The following RASL10B variants were observed in gnomAD, a reference collection of about 807,000 sequenced individuals.
RASL10B encodes the protein ras-like protein family member 10B.
Under a neutral mutation model 20.7 loss-of-function variants are expected in RASL10B, and 10 were observed. That is an observed-to-expected ratio of 0.48 (90% CI 0.30 to 0.82). RASL10B has a LOEUF of 0.82. Among genes scored for constraint, RASL10B ranks in the 40% least tolerant of loss-of-function variants. RASL10B has a pLI of 0.07. For synonymous variants in RASL10B, 110 were observed against 123.3 expected, an observed-to-expected ratio of 0.89 and a Z score of 0.72; for missense variants, 231 against 295.4, an observed-to-expected ratio of 0.78 and a Z score of 1.60.
At chr17:35,740,630 G>A in intron 3 of RASL10B, 97 bp downstream of exon 3, 3 of 1,377,792 alleles carry the variant, frequency 2.2e-6, no homozygotes, top group Non-Finnish European at 3.0e-6. Context: ...ACAGATAGAG[G>A]TATATGTGTT....
chr17:35,740,350 G>T, intron 2 of RASL10B, 59 bp from the exon 3 acceptor site: 2 of 1,585,664 alleles, frequency 1.3e-6, no homozygotes, highest in South Asian at 2.2e-5. Flanking sequence ...GGAGGTGTTT[G>T]GGGGCTAGGG....
At chr17:35,732,079 C>T (rs2085561685) in intron 1 of RASL10B, among the ~76,000 whole-genome samples, 2 of 152,028 alleles carry the variant, frequency 1.3e-5, no homozygotes, top group African/African-American at 4.8e-5. Flanking sequence ...GGGGTGCCTG[C>T]AAGGTGCTGG....
intron 2 of RASL10B, among the ~76,000 whole-genome samples, chr17:35,736,417 A>G (rs1370630569): frequency 6.6e-6 from 1 of 152,212 alleles, no homozygotes; most frequent in Non-Finnish European, 1.5e-5. Flanking sequence ...CTCAGCACTC[A>G]GCACTCTCGG....
chr17:35,733,967 C>A (rs2085574550), intron 1 of RASL10B, among the ~76,000 whole-genome samples: 1 of 152,180 alleles, frequency 6.6e-6, no homozygotes, highest in Non-Finnish European at 1.5e-5. Context: ...AGAATCAGAC[C>A]CAGACCTTGG....
rs1038932070 is a variant in RASL10B at position 35,740,560 on chromosome 17, C to T, written c.341+27C>T. ...TGAGAGGCTGGAACACAGTCCATTG[C>T]CACCTCTGTGGATGCCCCAGTGCTA... On this transcript the variant is annotated intron_variant, in intron 3 of 3. Coordinates refer to ENST00000603017, the MANE Select transcript of RASL10B (RefSeq NM_033315.4). 6 of 1,607,152 alleles carry T rather than the reference C, an allele frequency of 3.7e-6. No homozygotes were observed. In the African/African-American group the frequency reaches 8.0e-5, roughly 21 times the overall value.
intron 2 of RASL10B, among the ~76,000 whole-genome samples, chr17:35,739,897 G>C (rs2085618669): frequency 1.3e-5 from 2 of 152,224 alleles, no homozygotes; most frequent in African/African-American, 4.8e-5. Context: ...ACTGGAGATG[G>C]AACAGCTCTA....
chr17:35,735,501 C>A lies in RASL10B; in HGVS notation c.216+101C>A. 1 of 1,181,168 alleles carries A rather than the reference C, an allele frequency of 8.5e-7. No homozygotes were observed. The highest frequency in any genetic ancestry group is 1.2e-6 in the Non-Finnish European group (1 of 826,066). 73.2% of individuals were successfully genotyped at this position (1,181,168 alleles called of 1,614,324 possible). A position where few individuals can be genotyped will look rare whatever the true frequency, so the allele number is the denominator to read the frequency against. ...AGCTTGGGCCCTATTGCCAGGGCCC[C>A]ATCACTGAGTTTGGGAGCTCCACAC... On this transcript the variant is annotated intron_variant, in intron 2 of 3. Transcript: ENST00000603017. The surrounding 1 kb of genome is among the most constrained non-coding windows in gnomAD (Gnocchi z 6.7).
Position 35,735,487 on chromosome 17 carries a change from T to C in RASL10B, c.216+87T>C. 7.9e-7 allele frequency: 1 copy of C among 1,271,108 alleles called. No individual in the cohort carries two copies. Among genetic ancestry groups the C allele is most frequent in the East Asian group, 2.5e-5 (1 of 40,600 alleles). The allele number at this position is 1,271,108 out of a possible 1,614,324, so 78.7% of individuals were successfully genotyped here. Reference sequence around the variant, plus strand: ...TTCCAAACTGCTGTAGCTTGGGCCCTATTGCCAGGGCCCCATCACTGAGTT... The same window carrying C: ...TTCCAAACTGCTGTAGCTTGGGCCCCATTGCCAGGGCCCCATCACTGAGTT... On this transcript the variant is annotated intron_variant, in intron 2 of 3. Transcript: ENST00000603017. The surrounding 1 kb of genome is among the most constrained non-coding windows in gnomAD (Gnocchi z 6.7).
rs1268810469 is a variant in RASL10B at position 35,735,344 on chromosome 17, G to T, written c.160G>T (p.Asp54Tyr). The T allele has an allele frequency of 3.1e-6, 5 of 1,614,072 alleles. No homozygotes were observed. Among genetic ancestry groups the T allele is most frequent in the Non-Finnish European group, 4.2e-6 (5 of 1,180,054 alleles). The change falls in exon 2 of 4, where the codon GAC (aspartate) becomes TAC (tyrosine). Residue 54 changes from aspartate (D) to tyrosine (Y), a missense_variant. Asp to Tyr is a radical substitution (Grantham distance 160). Transcript: ENST00000603017. This position sits in a 1 kb window ranked among gnomAD's most constrained non-coding sequence, Gnocchi z 6.7. ...PAVVMNGHVH[D>Y]LQILDFPPIS... is the part of the protein sequence containing the mutation. ...TGTCGTCATGAACGGCCACGTGCACGACCTCCAGATCCTCGACTTTCCACC... is the reference window on the plus strand; with the variant it reads ...TGTCGTCATGAACGGCCACGTGCACTACCTCCAGATCCTCGACTTTCCACC...
rs1555597064 is a variant in RASL10B, at chr17:35,735,410, C to A, written c.216+10C>A. ...TGTCAATACGCTCCAGGTAGGAGGA[C>A]CCTGGGGGGCATGGGTTAGTGGGGA... On this transcript the variant is annotated intron_variant, in intron 2 of 3. Coordinates refer to ENST00000603017, the MANE Select transcript of RASL10B (RefSeq NM_033315.4). This position sits in a 1 kb window ranked among gnomAD's most constrained non-coding sequence, Gnocchi z 6.7. 6.2e-7 allele frequency: 1 copy of A among 1,612,548 alleles called. No homozygotes were observed. The highest frequency in any genetic ancestry group is 1.7e-5 in the Admixed American group (1 of 59,984).
rs2085629097 is a variant in RASL10B, at chr17:35,741,460, G to A, written c.*155G>A. 2.6e-6 allele frequency: 3 copies of A among 1,171,260 alleles called. No individual in the cohort carries two copies. Among genetic ancestry groups the A allele is most frequent in the South Asian group, 1.9e-5 (1 of 51,748 alleles). The allele number at this position is 1,171,260 out of a possible 1,614,324, so 72.6% of individuals were successfully genotyped here. ...CACCTCCCGGTGAGAAGCAGAGCGC[G>A]AGAGGGAGCCCTCCGTAACTGCCCA... is the stretch of plus-strand genomic sequence containing the variant. On this transcript the variant is annotated 3_prime_UTR_variant, in exon 4 of 4. Transcript: ENST00000603017.
At chr17:35,736,922 T>A (rs2085597157) in intron 2 of RASL10B, 1 of 151,992 alleles carries the variant, frequency 6.6e-6, no homozygotes, top group South Asian at 2.1e-4. Context: ...CCCAGCTAAT[T>A]TTTGTATTTT....
rs199649896 is a variant in RASL10B at position 35,740,997 on chromosome 17, G to A, written c.342-38G>A. The A allele has an allele frequency of 2.0e-4, 310 of 1,536,822 alleles. No homozygotes were observed. In the African/African-American group the frequency reaches 3.9e-3, roughly 19 times the overall value. Reference sequence around the variant, plus strand: ...CCTGCTGGGAGTACAGCGGTTGTGGGGCTGACAGAGTTCTGAGCTGCCTGC... The same window carrying A: ...CCTGCTGGGAGTACAGCGGTTGTGGAGCTGACAGAGTTCTGAGCTGCCTGC... On this transcript the variant is annotated intron_variant, in intron 3 of 3. Coordinates refer to ENST00000603017, the MANE Select transcript of RASL10B (RefSeq NM_033315.4).
intron 2 of RASL10B, among the ~76,000 whole-genome samples, chr17:35,739,345 C>T (rs746556504): frequency 6.6e-6 from 1 of 152,218 alleles, no homozygotes; most frequent in Non-Finnish European, 1.5e-5. Context: ...GGAGAAGACT[C>T]TGGTTTCCTT....
chr17:35,738,706 C>A (rs2085610313), intron 2 of RASL10B, among the ~76,000 whole-genome samples: 1 of 152,182 alleles, frequency 6.6e-6, no homozygotes, highest in South Asian at 2.1e-4. Context: ...AAGGGATAAG[C>A]TAGCCAATCA....
Position 35,735,515 on chromosome 17 carries a change from G to A in RASL10B, c.216+115G>A, listed in dbSNP as rs957459232. 3.0e-6 allele frequency: 3 copies of A among 1,003,246 alleles called. No individual in the cohort carries two copies. The highest frequency in any genetic ancestry group is 4.5e-6 in the Non-Finnish European group (3 of 672,224). 62.1% of individuals were successfully genotyped at this position (1,003,246 alleles called of 1,614,324 possible). A position where few individuals can be genotyped will look rare whatever the true frequency, so the allele number is the denominator to read the frequency against. ...TGCCAGGGCCCCATCACTGAGTTTGGGAGCTCCACACTGCACCTTGGGCCA... is the reference window on the plus strand; with the variant it reads ...TGCCAGGGCCCCATCACTGAGTTTGAGAGCTCCACACTGCACCTTGGGCCA... On this transcript the variant is annotated intron_variant, in intron 2 of 3. Transcript: ENST00000603017. This position sits in a 1 kb window ranked among gnomAD's most constrained non-coding sequence, Gnocchi z 6.7.
intron 1 of RASL10B, among the ~76,000 whole-genome samples, chr17:35,732,534 G>A (rs781928386): frequency 6.6e-6 from 1 of 152,226 alleles, no homozygotes; most frequent in Non-Finnish European, 1.5e-5. Context: ...GAAGGAAGGG[G>A]CACCGATCGC....
chr17:35,741,306 C>T lies in RASL10B; in HGVS notation c.*1C>T. On this transcript the variant is annotated 3_prime_UTR_variant, in exon 4 of 4. Transcript: ENST00000603017. ...CCGCAACCGCTGCGCCATCATGTGACGCCTGCGCGCCCCTCGGGCTGCACC... is the reference window on the plus strand; with the variant it reads ...CCGCAACCGCTGCGCCATCATGTGATGCCTGCGCGCCCCTCGGGCTGCACC... 6.8e-7 allele frequency: 1 copy of T among 1,475,850 alleles called. No homozygotes were observed. 91.4% of individuals were successfully genotyped at this position (1,475,850 alleles called of 1,614,324 possible).
At chr17:35,739,425 C>G (rs1231086486) in intron 2 of RASL10B, among the ~76,000 whole-genome samples, 1 of 152,106 alleles carries the variant, frequency 6.6e-6, no homozygotes, top group African/African-American at 2.4e-5. Flanking sequence ...TGCCTGAAAC[C>G]GCTCTTGCAG....
Sources: allele counts gnomAD v4.1 joint callset (sites outside exome capture counted in the v4.1 genomes callset), GRCh38; gene constraint gnomAD v4.1.1; non-coding constraint Gnocchi (gnomAD v3.1); transcripts MANE v1.5; gene names NCBI Gene and HGNC (gene_info 2026-07-23, HGNC 2026-07-21).